Variants in ATP5F1A observed in about 807,000 individuals in gnomAD.
ATP5F1A encodes ATP synthase F1 subunit alpha, also known as ATP synthase F(1) complex subunit alpha, mitochondrial.
Under a neutral mutation model 57.4 loss-of-function variants are expected in ATP5F1A, and 24 were observed. That is an observed-to-expected ratio of 0.42 (90% CI 0.30 to 0.59). The LOEUF (loss-of-function observed/expected upper bound fraction) is 0.59, where lower values mean the gene tolerates loss of function less well. Among genes scored for constraint, ATP5F1A ranks in the 20% least tolerant of loss-of-function variants. The probability of loss-of-function intolerance (pLI) is 0.19; values close to 1 mark genes in which losing one functional copy is unlikely to be tolerated. For synonymous variants in ATP5F1A, 251 were observed against 255.5 expected (o/e 0.98, Z 0.17); for missense variants, 494 against 707.9 (o/e 0.70, Z 3.43).
chr18:46,095,226 C>T, intron 1 of ATP5F1A, 95 bp from the exon 2 acceptor site: 1 of 1,163,138 alleles, frequency 8.6e-7, no homozygotes. Context: ...GATCAAAGTA[C>T]TGGTGAAAAT....
At position 46,088,350 on chromosome 18, in the gene ATP5F1A, A is replaced by T; in HGVS notation, c.651-93T>A. ...GAGAGATCAGACTGTTACTGTGTCT[A>T]TGCAGAAAGAAGAAGACATAAGAAA... On this transcript the variant is annotated intron_variant, in intron 5 of 11. Coordinates refer to ENST00000398752, the MANE Select transcript of ATP5F1A (RefSeq NM_004046.6). The T allele has an allele frequency of 2.5e-6, 3 of 1,218,410 alleles. No homozygotes were observed. In the South Asian group the frequency reaches 4.7e-5, roughly 19 times the overall value. 75.5% of individuals were successfully genotyped at this position (1,218,410 alleles called of 1,614,324 possible).
rs1909805448 is a variant in ATP5F1A, at chr18:46,082,341, C to T, written c.*1941G>A. 1 of 144,008 alleles carries T rather than the reference C, an allele frequency of 6.9e-6. No homozygotes were observed. The highest frequency in any genetic ancestry group is 7.1e-5 in the Admixed American group (1 of 14,098). 8.9% of individuals were successfully genotyped at this position (144,008 alleles called of 1,614,324 possible). A position where few individuals can be genotyped will look rare whatever the true frequency, so the allele number is the denominator to read the frequency against. On this transcript the variant is annotated 3_prime_UTR_variant, in exon 12 of 12. Coordinates refer to ENST00000398752, the MANE Select transcript of ATP5F1A (RefSeq NM_004046.6). ...GGGGGCAGAGCTTGCAGTGAGCCGA[C>T]ATCGCACCACTGCACTCCAGCCTGG...
upstream of ATP5F1A, among the ~76,000 whole-genome samples, chr18:46,103,216 T>C (rs1362128781): frequency 1.3e-5 from 2 of 151,958 alleles, no homozygotes; most frequent in African/African-American, 2.4e-5. Context: ...GACAGGAGAA[T>C]TGCTTGAGCC....
chr18:46,086,732 G>A (rs1379667741), intron 8 of ATP5F1A: 2 of 595,556 alleles, frequency 3.4e-6, no homozygotes, highest in Middle Eastern at 4.4e-4. Context: ...CAAATGAAGT[G>A]ATATAATTTC....
Position 46,086,423 on chromosome 18 carries a change from A to G in ATP5F1A, c.1248T>C (p.Arg416=). 1 of 1,614,192 alleles carries G rather than the reference A, an allele frequency of 6.2e-7. No individual in the cohort carries two copies. The highest frequency in any genetic ancestry group is 8.5e-7 in the Non-Finnish European group (1 of 1,180,042). Residue 416 remains arginine, a synonymous_variant, in exon 9 of 12, where the codon CGT becomes CGC. Transcript: ENST00000398752. ...CCCTGGTTTGGGCAGCGGATCCGAC[A>G]CGAGATACAGACAGACCAACGTTAA... The part of the protein sequence containing the change: ...PAINVGLSVS[R]VGSAAQTRAM...
chr18:46,086,666 T>C (rs747690425), intron 8 of ATP5F1A, 172 bp from the exon 9 acceptor site: 12 of 632,308 alleles, frequency 1.9e-5, no homozygotes, highest in Non-Finnish European at 3.0e-5. Context: ...AATTAGGAGA[T>C]GTGCATGAGA....
chr18:46,098,307 A>C (rs1599795251), upstream of ATP5F1A: 3 of 1,517,116 alleles, frequency 2.0e-6, no homozygotes, highest in East Asian at 7.2e-5. Context: ...GCCGAGCCGC[A>C]AAGAAGGTCA....
rs1450832497 is a variant in ATP5F1A at position 46,098,110 on chromosome 18, G to T, written c.60+62C>A. On this transcript the variant is annotated intron_variant, in intron 1 of 11. Transcript: ENST00000398752. ...CCCTCCTGCAGAGAGCGCCCGAGCC[G>T]GCGCACCACCACCCTGCAGCCCCAC... The T allele has an allele frequency of 4.5e-6, 7 of 1,540,224 alleles. No homozygotes were observed. The African/African-American group carries it at 8.2e-5, about 18-fold the overall frequency.
Position 46,087,628 on chromosome 18 carries a change from C to T in ATP5F1A, c.800-136G>A, listed in dbSNP as rs369586910. ...GGCGCAGTGGCTCATGCCTGTAATC[C>T]CAGCACTTTGGGAGGCCCTAGGCGG... On this transcript the variant is annotated intron_variant, in intron 6 of 11. Coordinates refer to ENST00000398752, the MANE Select transcript of ATP5F1A (RefSeq NM_004046.6). The T allele has an allele frequency of 3.7e-5, 39 of 1,051,240 alleles. No homozygotes were observed. In the East Asian group the frequency reaches 9.2e-4, roughly 25 times the overall value. The allele number at this position is 1,051,240 out of a possible 1,614,324, so 65.1% of individuals were successfully genotyped here. A position where few individuals can be genotyped will look rare whatever the true frequency, so the allele number is the denominator to read the frequency against.
In ATP5F1A at chr18:46,088,181, A is replaced by G; in HGVS notation, c.727T>C (p.Tyr243His). ...NDGSDEKKKL[Y>H]CIYVAIGQKR... ...TGACCAATAGCAACATAAATACAGTACAGCTTCTTCTTTTCATCAGATCCA... is the reference window on the plus strand; with the variant it reads ...TGACCAATAGCAACATAAATACAGTGCAGCTTCTTCTTTTCATCAGATCCA... Residue 243 changes from tyrosine to histidine, a missense_variant, in exon 6 of 12, where the codon TAC becomes CAC. Tyr to His is a moderately conservative substitution (Grantham distance 83). Coordinates refer to ENST00000398752, the MANE Select transcript of ATP5F1A (RefSeq NM_004046.6). 6.2e-7 allele frequency: 1 copy of G among 1,606,886 alleles called. No homozygotes were observed. Among genetic ancestry groups the G allele is most frequent in the South Asian group, 1.1e-5 (1 of 88,690 alleles).
chr18:46,103,104 C>T (rs530301128), upstream of ATP5F1A, among the ~76,000 whole-genome samples: 13 of 152,042 alleles, frequency 8.6e-5, no homozygotes, highest in African/African-American at 2.7e-4. Flanking sequence ...GAGTTTGAGA[C>T]CAGCCTGATC....
chr18:46,081,529 T>C lies in ATP5F1A; in HGVS notation c.*2753A>G, dbSNP rs1461300183. 1 of 151,244 alleles carries C rather than the reference T, an allele frequency of 6.6e-6. No individual in the cohort carries two copies. Among genetic ancestry groups the C allele is most frequent in the Non-Finnish European group, 1.5e-5 (1 of 67,886 alleles). 9.4% of individuals were successfully genotyped at this position (151,244 alleles called of 1,614,324 possible). Reference sequence around the variant, plus strand: ...AAAATACAAAATTAGCCAGGCGTGGTGGTGCATGCCTGTAATCCCAGCTAC... The same window carrying C: ...AAAATACAAAATTAGCCAGGCGTGGCGGTGCATGCCTGTAATCCCAGCTAC... On this transcript the variant is annotated 3_prime_UTR_variant, in exon 12 of 12. Transcript: ENST00000398752.
rs1286634617 is a variant in ATP5F1A at position 46,082,571 on chromosome 18, C to G, written c.*1711G>C. 1 of 151,886 alleles carries G rather than the reference C, an allele frequency of 6.6e-6. No individual in the cohort carries two copies. The highest frequency in any genetic ancestry group is 1.5e-5 in the Non-Finnish European group (1 of 68,100). 9.4% of individuals were successfully genotyped at this position (151,886 alleles called of 1,614,324 possible). A position where few individuals can be genotyped will look rare whatever the true frequency, so the allele number is the denominator to read the frequency against. Reference sequence around the variant, plus strand: ...TGGTGGTGGGTGCCTGTAGTTCCAGCTTCTCGGGAGGCTGAGGCAGGAGAA... The same window carrying G: ...TGGTGGTGGGTGCCTGTAGTTCCAGGTTCTCGGGAGGCTGAGGCAGGAGAA... On this transcript the variant is annotated 3_prime_UTR_variant, in exon 12 of 12. Coordinates refer to ENST00000398752, the MANE Select transcript of ATP5F1A (RefSeq NM_004046.6).
intron 1 of ATP5F1A, among the ~76,000 whole-genome samples, chr18:46,096,272 G>A (rs1025212460): frequency 4.6e-5 from 7 of 151,896 alleles, no homozygotes; most frequent in East Asian, 3.9e-4. Context: ...AGGCCAAGGC[G>A]GGCGGATTAC....
intron 2 of ATP5F1A, 135 bp downstream of exon 2, chr18:46,094,918 G>C: frequency 1.6e-6 from 2 of 1,269,366 alleles, no homozygotes; most frequent in Non-Finnish European, 2.0e-6. Context: ...TAACAATATG[G>C]TTTAAGAACC....
rs755954243 is a variant in ATP5F1A, at chr18:46,086,420, G to A, written c.1251C>T (p.Val417=). ...AINVGLSVSR[V]GSAAQTRAMK... ...TAGCCCTGGTTTGGGCAGCGGATCC[G>A]ACACGAGATACAGACAGACCAACGT... Residue 417 remains valine, a synonymous_variant, in exon 9 of 12, where the codon GTC becomes GTT. Transcript: ENST00000398752. 1.8e-5 allele frequency: 29 copies of A among 1,613,948 alleles called. No homozygotes were observed. The highest frequency in any genetic ancestry group is 8.8e-5 in the South Asian group (8 of 91,064).
rs1909689007 is a variant in ATP5F1A, at chr18:46,080,641, T to TCCCA, written c.*3640_*3641insTGGG. The TCCCA allele has an allele frequency of 6.6e-6, 1 of 151,384 alleles. No individual in the cohort carries two copies. Among genetic ancestry groups the TCCCA allele is most frequent in the Admixed American group, 6.6e-5 (1 of 15,212 alleles). The allele number at this position is 151,384 out of a possible 1,614,324, so 9.4% of individuals were successfully genotyped here. ...GCACAACTTTTTTTAAGAGTCAGGG[T>TCCCA]CTCTGTCACCTAGGCTGGAGTGCAG... On this transcript the variant is annotated 3_prime_UTR_variant, in exon 12 of 12. Coordinates refer to ENST00000398752, the MANE Select transcript of ATP5F1A (RefSeq NM_004046.6).
intron 2 of ATP5F1A, chr18:46,094,654 A>G (rs1226412869): frequency 6.5e-6 from 1 of 153,104 alleles, no homozygotes; most frequent in Non-Finnish European, 1.5e-5. Flanking sequence ...CGACAGAGCA[A>G]GATTCTGTCT....
chr18:46,095,054 A>C lies in ATP5F1A; in HGVS notation c.138T>G (p.Thr46=). 1 of 1,610,420 alleles carries C rather than the reference A, an allele frequency of 6.2e-7. No homozygotes were observed. Among genetic ancestry groups the C allele is most frequent in the South Asian group, 1.1e-5 (1 of 90,498 alleles). The change falls in exon 2 of 12, where the codon ACT becomes ACG. Residue 46 remains threonine, a splice_region_variant and synonymous_variant. Coordinates refer to ENST00000398752, the MANE Select transcript of ATP5F1A (RefSeq NM_004046.6). ...FHASNTHLQK[T]GTAEMSSILE... is the part of the protein sequence containing the mutation. ...GTAGACTGAGAAATAATAACTTACC[A>C]GTCTTTTGAAGATGAGTGTTAGAGG...
Sources: allele counts gnomAD v4.1 joint callset (sites outside exome capture counted in the v4.1 genomes callset), GRCh38; gene constraint gnomAD v4.1.1; transcripts MANE v1.5; gene names NCBI Gene and HGNC (gene_info 2026-07-23, HGNC 2026-07-21).